Variants in DENND4A observed in about 807,000 individuals in gnomAD.
DENND4A encodes DENN domain containing 4A.
A neutral mutation model predicts 199.3 loss-of-function variants in DENND4A; 70 were observed. That is an observed-to-expected ratio of 0.35 (90% CI 0.29 to 0.43). The LOEUF is 0.43. Among genes scored for constraint, DENND4A ranks in the 20% least tolerant of loss-of-function variants. The pLI, the probability that DENND4A is intolerant of heterozygous loss-of-function variation, is 1.00. For synonymous variants in DENND4A, 686 were observed against 766.9 expected (o/e 0.89, Z 1.74); for missense variants, 1,723 against 2,255.8 (o/e 0.76, Z 4.78).
Position 65,756,230 on chromosome 15 carries a change from G to C in DENND4A, c.221C>G (p.Ser74Ter). The change falls in exon 3 of 33, where the codon TCA becomes TGA. Residue 74 changes from serine to a stop codon, truncating the protein, a stop_gained. Transcript: ENST00000443035. LOFTEE classifies it high-confidence loss of function. ...AAGACTTCCATTATTAAGATCAGCT[G>C]ACAATCCAGTTGGGGTAACATCAAT... is the stretch of plus-strand genomic sequence containing the variant. ...ICIDVTPTGL[S>*]ADLNNGSLVG... The C allele has an allele frequency of 6.2e-7, 1 of 1,612,302 alleles. No homozygotes were observed. Among genetic ancestry groups the C allele is most frequent in the Non-Finnish European group, 8.5e-7 (1 of 1,179,090 alleles).
intron 24 of DENND4A, among the ~76,000 whole-genome samples, chr15:65,674,278 A>G (rs1596397878): frequency 6.6e-6 from 1 of 152,352 alleles, no homozygotes; most frequent in African/African-American, 2.4e-5. Flanking sequence ...CATAAAAGAT[A>G]CATACTATTT....
chr15:65,786,288 A>C (rs2141004085), intron 1 of DENND4A, among the ~76,000 whole-genome samples: 1 of 152,364 alleles, frequency 6.6e-6, no homozygotes, highest in South Asian at 2.1e-4. Flanking sequence ...ACAAGGATTG[A>C]GGGCAGAAAA....
Position 65,671,847 on chromosome 15 carries a change from ACTTCTG to A in DENND4A, c.4403_4408del (p.Ser1468_Val1470delinsLeu), listed in dbSNP as rs753380425. Reference sequence around the variant, plus strand: ...ATTACTCGCGTTGAAGGAAGATGTCACTTCTGATTTCCCAGGTAAGGCAAACTTCGA... The same window carrying A: ...ATTACTCGCGTTGAAGGAAGATGTCAATTTCCCAGGTAAGGCAAACTTCGA... On this transcript the variant is annotated inframe_deletion, in exon 25 of 33. Transcript: ENST00000443035. 6.2e-7 allele frequency: 1 copy of A among 1,613,164 alleles called. No homozygotes were observed. The highest frequency in any genetic ancestry group is 1.7e-5 in the Admixed American group (1 of 60,024).
At chr15:65,737,560 G>A in intron 7 of DENND4A, 147 bp downstream of exon 7, 2 of 733,240 alleles carry the variant, frequency 2.7e-6, no homozygotes, top group Admixed American at 3.2e-5. Flanking sequence ...ATACAATGGA[G>A]AAATACTACC....
At chr15:65,698,058 C>T (rs558087582) in intron 20 of DENND4A, among the ~76,000 whole-genome samples, 105 of 151,962 alleles carry the variant, frequency 6.9e-4, no homozygotes, top group African/African-American at 2.5e-3. Context: ...TTGAGACCAG[C>T]CTGGGCAACA....
intron 3 of DENND4A, 102 bp from the exon 4 acceptor site, chr15:65,752,730 A>G: frequency 1.4e-6 from 1 of 724,146 alleles, no homozygotes; most frequent in Non-Finnish European, 2.1e-6. Context: ...TAGCATGGTA[A>G]AAATATTCCA....
chr15:65,740,613 A>C (rs1010094068), intron 5 of DENND4A, among the ~76,000 whole-genome samples: 2 of 151,586 alleles, frequency 1.3e-5, no homozygotes, highest in Non-Finnish European at 2.9e-5. Flanking sequence ...TAGGCAACAG[A>C]GCAAAACCTT....
chr15:65,688,881 T>A (rs1344471705), intron 23 of DENND4A, among the ~76,000 whole-genome samples: 1 of 152,244 alleles, frequency 6.6e-6, no homozygotes, highest in Admixed American at 6.5e-5. Flanking sequence ...TTTTATATTT[T>A]GTCTGGTTTT....
chr15:65,686,999 A>G (rs1478443998), intron 23 of DENND4A, among the ~76,000 whole-genome samples: 1 of 152,174 alleles, frequency 6.6e-6, no homozygotes. Flanking sequence ...CACCATGCCT[A>G]GCCAAAGTCT....
chr15:65,752,193 G>A (rs2140618512), intron 4 of DENND4A, among the ~76,000 whole-genome samples, 186 bp downstream of exon 4: 1 of 125,380 alleles, frequency 8.0e-6, no homozygotes, highest in Non-Finnish European at 1.6e-5. Flanking sequence ...TCTTTTGAAA[G>A]TACAACCAAA....
At chr15:65,789,501 T>TA (rs1418497620) in intron 1 of DENND4A, among the ~76,000 whole-genome samples, 3 of 143,532 alleles carry the variant, frequency 2.1e-5, no homozygotes, top group African/African-American at 7.7e-5. Context: ...CAATATAGGG[T>TA]ATTAGATTAA....
chr15:65,720,981 ATT>A (rs1491572384), intron 12 of DENND4A, among the ~76,000 whole-genome samples: 4 of 113,250 alleles, frequency 3.5e-5, no homozygotes, highest in Non-Finnish European at 7.7e-5. Flanking sequence ...ATATATATAT[ATT>A]TGTACTTTTT....
chr15:65,660,303 G>T lies in DENND4A; in HGVS notation c.*1548C>A, dbSNP rs1195926315. ...GAGTTGGAAGCTGTGAAATGTTTCA[G>T]CATGGTGCTATTCACTAATGGTGTG... On this transcript the variant is annotated 3_prime_UTR_variant, in exon 33 of 33. Coordinates refer to ENST00000443035, the MANE Select transcript of DENND4A (RefSeq NM_001320835.1). 1.3e-6 allele frequency: 2 copies of T among 1,535,258 alleles called. No individual in the cohort carries two copies. The highest frequency in any genetic ancestry group is 1.4e-5 in the African/African-American group (1 of 73,170).
At chr15:65,680,234 C>T (rs1192999231) in intron 23 of DENND4A, among the ~76,000 whole-genome samples, 1 of 152,164 alleles carries the variant, frequency 6.6e-6, no homozygotes, top group African/African-American at 2.4e-5. Context: ...CTTATGACTA[C>T]TTTGGAGGCT....
At chr15:65,789,022 T>C (rs2077644491) in intron 1 of DENND4A, among the ~76,000 whole-genome samples, 1 of 152,064 alleles carries the variant, frequency 6.6e-6, no homozygotes. Context: ...TTCTTTATAT[T>C]CTAATTTTTC....
At chr15:65,732,719 T>TG in intron 8 of DENND4A, 33 bp downstream of exon 8, 1 of 1,353,600 alleles carries the variant, frequency 7.4e-7, no homozygotes, top group Non-Finnish European at 1.0e-6. Flanking sequence ...TAACAACTCA[T>TG]AGGTCCCCCA....
At position 65,659,321 on chromosome 15, in the gene DENND4A, G is replaced by GTTTTTTTTT. The variant is rs1491492345; in HGVS notation, c.*2529_*2530insAAAAAAAAA. On this transcript the variant is annotated 3_prime_UTR_variant, in exon 33 of 33. Transcript: ENST00000443035. ...TTATTTTAAATGATTGATATTTTCT[G>GTTTTTTTTT]GTTTTTTTTTTTTTTTTTTTTTTTT... 221 of 66,672 alleles carry GTTTTTTTTT rather than the reference G, an allele frequency of 3.3e-3. 88 individuals carry two copies. The highest frequency in any genetic ancestry group is 4.2e-3 in the Non-Finnish European group (141 of 33,646). 4.1% of individuals were successfully genotyped at this position (66,672 alleles called of 1,614,324 possible). A position where few individuals can be genotyped will look rare whatever the true frequency, so the allele number is the denominator to read the frequency against.
chr15:65,734,623 TTAAAGTACTCATAATC>T (rs2076060692), intron 7 of DENND4A, among the ~76,000 whole-genome samples: 1 of 152,094 alleles, frequency 6.6e-6, no homozygotes, highest in Non-Finnish European at 1.5e-5. Context: ...ACCCCTTCAA[TTAAAGTACTCATAATC>T]TAAACAAACG....
chr15:65,741,695 G>T lies in DENND4A; in HGVS notation c.631+20C>A. 6.2e-7 allele frequency: 1 copy of T among 1,604,290 alleles called. No homozygotes were observed. The highest frequency in any genetic ancestry group is 8.5e-7 in the Non-Finnish European group (1 of 1,172,396). On this transcript the variant is annotated intron_variant, in intron 5 of 32. Coordinates refer to ENST00000443035, the MANE Select transcript of DENND4A (RefSeq NM_001320835.1). ...ATAATACATTTATATATGAAGTATT[G>T]CATGAAAAATTACACTTACCAGCTT...
Sources: allele counts gnomAD v4.1 joint callset (sites outside exome capture counted in the v4.1 genomes callset), GRCh38; gene constraint gnomAD v4.1.1; transcripts MANE v1.5; gene names NCBI Gene and HGNC (gene_info 2026-07-23, HGNC 2026-07-21).